KCNQ2: variants seen among roughly 807,000 people sequenced by gnomAD.
KCNQ2 encodes the protein potassium voltage-gated channel subfamily Q member 2.
KCNQ2 carries 14 observed loss-of-function variants against 84.8 expected under a neutral mutation model. The ratio of observed to expected loss-of-function variants is 0.17; its 90% CI spans 0.11 to 0.26. The LOEUF (loss-of-function observed/expected upper bound fraction) is 0.26. Among genes scored for constraint, KCNQ2 ranks in the 10% least tolerant of loss-of-function variants. The probability of loss-of-function intolerance (pLI) is 1.00; values close to 1 mark genes in which losing one functional copy is unlikely to be tolerated. For synonymous variants in KCNQ2, 599 were observed against 554.1 expected, an observed-to-expected ratio of 1.08 and a Z score of -1.14; for missense variants, 788 against 1,254.0, an observed-to-expected ratio of 0.63 and a Z score of 5.61.
chr20:63,467,884 C>A (rs893057668), intron 1 of KCNQ2, among the ~76,000 whole-genome samples: 1 of 152,130 alleles, frequency 6.6e-6, no homozygotes, highest in Non-Finnish European at 1.5e-5. Context: ...CTGGAGAGAC[C>A]GCGTCTCTGC....
chr20:63,408,614 C>T lies in KCNQ2; in HGVS notation c.1764-78G>A. ...CCTGCCCTCTCCTCCTGGACCAGGC[C>T]ACAGTGCCCCTGGGTCTAGGCTGCA... On this transcript the variant is annotated intron_variant, in intron 15 of 16. Transcript: ENST00000359125. This position sits in a 1 kb window ranked among gnomAD's most constrained non-coding sequence, Gnocchi z 5.0. 1 of 1,569,914 alleles carries T rather than the reference C, an allele frequency of 6.4e-7. No homozygotes were observed. Among genetic ancestry groups the T allele is most frequent in the African/African-American group, 1.3e-5 (1 of 74,438 alleles).
intron 4 of KCNQ2, among the ~76,000 whole-genome samples, chr20:63,443,168 TCACATCACCATCACCATCACCAC>T (rs1568936567): frequency 1.9e-4 from 6 of 30,912 alleles, no homozygotes; most frequent in Non-Finnish European, 3.2e-4. Flanking sequence ...GCCACCACCA[TCACATCACCATCACCATCACCAC>T]CACCACCACC....
In KCNQ2 at chr20:63,462,973, G is replaced by A. The variant is rs558761924; in HGVS notation, c.296+9195C>T. Among the ~76,000 whole-genome samples, 422 of 152,254 alleles carry A rather than the reference G, an allele frequency of 2.8e-3. 1 individual carries two copies. The highest frequency in any genetic ancestry group is 5.5e-3 in the African/African-American group (230 of 41,536). On this transcript the variant is annotated intron_variant, in intron 1 of 16. Coordinates refer to ENST00000359125, the MANE Select transcript of KCNQ2 (RefSeq NM_172107.4). Reference sequence around the variant, plus strand: ...AGATGGGCCATGGCTGACCCGGTACGGAGATGGGGCAGCGCAGAGGGGGCA... The same window carrying A: ...AGATGGGCCATGGCTGACCCGGTACAGAGATGGGGCAGCGCAGAGGGGGCA...
At chr20:63,409,290 T>C (rs2080041465) in intron 15 of KCNQ2, among the ~76,000 whole-genome samples, 1 of 152,226 alleles carries the variant, frequency 6.6e-6, no homozygotes, top group Non-Finnish European at 1.5e-5. Context: ...TGTGTTCATG[T>C]GTGCAAGAGT....
intron 2 of KCNQ2, among the ~76,000 whole-genome samples, chr20:63,445,733 C>T (rs2081396975): frequency 7.2e-6 from 1 of 139,384 alleles, no homozygotes; most frequent in Non-Finnish European, 1.6e-5. Context: ...GAGGCCCTGT[C>T]TGAGCTGGGA....
chr20:63,450,669 A>T (rs1263747320), intron 1 of KCNQ2, among the ~76,000 whole-genome samples: 1 of 114,978 alleles, frequency 8.7e-6, no homozygotes, highest in Admixed American at 1.0e-4. Flanking sequence ...CCCAGGTGAG[A>T]GCTGGCAGAG....
intron 8 of KCNQ2, chr20:63,433,573 G>A (rs2080893808): frequency 1.3e-6 from 1 of 766,640 alleles, no homozygotes; most frequent in South Asian, 1.8e-5. Flanking sequence ...ACGACCCACG[G>A]CCAGGACGAT....
In KCNQ2 at chr20:63,438,909, ATCAGGGTCAGACCCGTCT is replaced by A. The variant is rs1384591740; in HGVS notation, c.928-207_928-190del. On this transcript the variant is annotated intron_variant, in intron 6 of 16. Coordinates refer to ENST00000359125, the MANE Select transcript of KCNQ2 (RefSeq NM_172107.4). This position sits in a 1 kb window ranked among gnomAD's most constrained non-coding sequence, Gnocchi z 5.1. ...CAGGGACTCACACACCCCCCAGTTC[ATCAGGGTCAGACCCGTCT>A]CCACCGATCCATGCCTCCCCCACCT... Among the ~76,000 whole-genome samples the A allele has an allele frequency of 6.8e-6, 1 of 148,120 alleles. No homozygotes were observed. Among genetic ancestry groups the A allele is most frequent in the East Asian group, 2.0e-4 (1 of 4,956 alleles).
intron 12 of KCNQ2, among the ~76,000 whole-genome samples, chr20:63,416,990 G>A (rs114905647): frequency 2.7e-3 from 414 of 152,346 alleles, no homozygotes; most frequent in Non-Finnish European, 4.2e-3. Flanking sequence ...CGGGGAAGCA[G>A]AGACGGAGTG....
rs1168370268 is a variant in KCNQ2, at chr20:63,439,931, A to G, written c.817-223T>C. On this transcript the variant is annotated intron_variant, in intron 5 of 16. Coordinates refer to ENST00000359125, the MANE Select transcript of KCNQ2 (RefSeq NM_172107.4). ...TACAGGCCAGAAGCGGGGTCCAGCC[A>G]AAGGCTGTGTCCCCATCTCACATCG... 9.7e-6 allele frequency: 6 copies of G among 620,268 alleles called. No homozygotes were observed. In the East Asian group the frequency reaches 1.4e-4, roughly 14 times the overall value. 38.4% of individuals were successfully genotyped at this position (620,268 alleles called of 1,614,324 possible).
intron 11 of KCNQ2, among the ~76,000 whole-genome samples, chr20:63,423,270 G>A (rs965895760): frequency 2.0e-5 from 3 of 152,096 alleles, no homozygotes; most frequent in Admixed American, 6.6e-5. Flanking sequence ...CCATCTCCCC[G>A]CACCCAAGCC....
At chr20:63,417,269 C>T (rs1432480795) in intron 12 of KCNQ2, among the ~76,000 whole-genome samples, 2 of 152,162 alleles carry the variant, frequency 1.3e-5, no homozygotes, top group Non-Finnish European at 2.9e-5. Flanking sequence ...ACAGGCTCAG[C>T]GGGACTCCTG....
Position 63,457,880 on chromosome 20 carries a change from G to A in KCNQ2, c.297-11043C>T, listed in dbSNP as rs183205702. 7.2e-3 allele frequency among the ~76,000 whole-genome samples: 1,101 copies of A among 152,248 alleles called. 32 individuals carry two copies. Among genetic ancestry groups the A allele is most frequent in the Non-Finnish European group, 3.7e-3 (255 of 68,000 alleles). ...GGCAGGAAACCCGCTGGCTCAGCAC[G>A]TGGTTAAATCAGCTCCCCGGGCACT... On this transcript the variant is annotated intron_variant, in intron 1 of 16. Coordinates refer to ENST00000359125, the MANE Select transcript of KCNQ2 (RefSeq NM_172107.4).
At chr20:63,433,928 TGGCGAGGGGCAGGC>T (rs779930590) in intron 7 of KCNQ2, 25 bp from the exon 8 acceptor site, 1 of 1,608,644 alleles carries the variant, frequency 6.2e-7, no homozygotes, top group Non-Finnish European at 8.5e-7. Context: ...ACAAGGCAGT[TGGCGAGGGGCAGGC>T]GGCGAGGGGC....
intron 4 of KCNQ2, among the ~76,000 whole-genome samples, chr20:63,442,908 CCATCACCAT>C (rs2081249377): frequency 3.8e-4 from 6 of 15,630 alleles, no homozygotes; most frequent in Admixed American, 1.8e-3. Context: ...ATCACCACCA[CCATCACCAT>C]CACCACCATC....
intron 12 of KCNQ2, among the ~76,000 whole-genome samples, chr20:63,418,426 C>A (rs780161388): frequency 7.2e-5 from 11 of 152,226 alleles, no homozygotes; most frequent in Admixed American, 2.6e-4. Flanking sequence ...AGCATCCAGA[C>A]CCCTGCCCAG....
chr20:63,458,067 C>T (rs925292081), intron 1 of KCNQ2, among the ~76,000 whole-genome samples: 1 of 152,160 alleles, frequency 6.6e-6, no homozygotes, highest in Non-Finnish European at 1.5e-5. Context: ...AGCCCAGCCC[C>T]ATGCAGAGGT....
intron 1 of KCNQ2, among the ~76,000 whole-genome samples, chr20:63,453,249 C>A (rs1000927905): frequency 6.6e-6 from 1 of 152,260 alleles, no homozygotes; most frequent in Admixed American, 6.5e-5. Context: ...GGCACCGTCG[C>A]CAGGGGGCAC....
chr20:63,429,478 C>G (rs184559364), intron 9 of KCNQ2, among the ~76,000 whole-genome samples: 1 of 152,154 alleles, frequency 6.6e-6, no homozygotes, highest in South Asian at 2.1e-4. Context: ...ACTCCCTACG[C>G]GGCTATGGCC....
Sources: allele counts gnomAD v4.1 joint callset (sites outside exome capture counted in the v4.1 genomes callset), GRCh38; gene constraint gnomAD v4.1.1; non-coding constraint Gnocchi (gnomAD v3.1); transcripts MANE v1.5; gene names NCBI Gene and HGNC (gene_info 2026-07-23, HGNC 2026-07-21).